The following PTPRN2 variants were observed in gnomAD, a reference collection of about 807,000 sequenced individuals.
The protein encoded by PTPRN2 is receptor-type tyrosine-protein phosphatase N2.
Under a neutral mutation model 118.8 loss-of-function variants are expected in PTPRN2, and 74 were observed. That is an observed-to-expected ratio of 0.62 (90% CI 0.52 to 0.76). The LOEUF is 0.76. Ranked by LOEUF, PTPRN2 falls within the 30% of genes least tolerant of loss-of-function variation. The pLI is 0.00. For synonymous variants in PTPRN2, 641 were observed against 608.0 expected (o/e 1.05, Z -0.80); for missense variants, 1,481 against 1,394.4 (o/e 1.06, Z -0.99).
chr7:158,140,940 A>G (rs1001738003), intron 6 of PTPRN2, among the ~76,000 whole-genome samples: 3 of 152,174 alleles, frequency 2.0e-5, no homozygotes, highest in Non-Finnish European at 4.4e-5. Flanking sequence ...TTTATGTAAA[A>G]TAGCTCATGG....
chr7:158,268,338 G>A (rs1252616667), intron 3 of PTPRN2, among the ~76,000 whole-genome samples: 3 of 149,898 alleles, frequency 2.0e-5, no homozygotes, highest in South Asian at 2.1e-4. Flanking sequence ...ACACAGGGCG[G>A]GTGTGAAATA....
intron 11 of PTPRN2, among the ~76,000 whole-genome samples, chr7:157,940,733 TGCCCCATGACACTGCAAATCTGACA>T (rs1800018151): frequency 2.0e-5 from 1 of 49,046 alleles, no homozygotes; most frequent in African/African-American, 1.6e-4. Context: ...TCTAACGCCC[TGCCCCATGACACTGCAAATCTGACA>T]CCCTCCCCAC....
rs373717179 is a variant in PTPRN2, at chr7:157,540,834, G to A, written c.2977-49C>T. On this transcript the variant is annotated intron_variant, in intron 22 of 22. Coordinates refer to ENST00000389418, the MANE Select transcript of PTPRN2 (RefSeq NM_002847.5). ...GTGCCAATGAGAGCGGCGTCCCCCC[G>A]ACTCCTGCCACAGCGTCGGCTCCCT... 135 of 1,450,326 alleles carry A rather than the reference G, an allele frequency of 9.3e-5. No homozygotes were observed. In the African/African-American group the frequency reaches 1.7e-3, roughly 18 times the overall value. 89.8% of individuals were successfully genotyped at this position (1,450,326 alleles called of 1,614,324 possible). A position where few individuals can be genotyped will look rare whatever the true frequency, so the allele number is the denominator to read the frequency against.
chr7:158,061,874 TG>T (rs1810376681), intron 11 of PTPRN2, among the ~76,000 whole-genome samples: 1 of 152,254 alleles, frequency 6.6e-6, no homozygotes, highest in Non-Finnish European at 1.5e-5. Flanking sequence ...GCCACTTTTT[TG>T]ATGAGCAAAA....
At chr7:158,122,520 C>T (rs1817258508) in intron 9 of PTPRN2, among the ~76,000 whole-genome samples, 1 of 152,072 alleles carries the variant, frequency 6.6e-6, no homozygotes, top group South Asian at 2.1e-4. Flanking sequence ...GGAGTGTCAC[C>T]CCTAAAAATC....
At chr7:158,341,546 C>G (rs1224565682) in intron 2 of PTPRN2, among the ~76,000 whole-genome samples, 6 of 110,284 alleles carry the variant, frequency 5.4e-5, no homozygotes, top group Non-Finnish European at 7.8e-5. Context: ...GAGGTGACAT[C>G]TGCAGACGTC....
chr7:158,482,597 G>T (rs2129444982), intron 2 of PTPRN2, among the ~76,000 whole-genome samples: 1 of 152,316 alleles, frequency 6.6e-6, no homozygotes, highest in East Asian at 1.9e-4. Context: ...ATAGACCACA[G>T]CCTAGTAAAA....
intron 22 of PTPRN2, among the ~76,000 whole-genome samples, chr7:157,545,891 C>T (rs796838123): frequency 6.6e-6 from 1 of 152,180 alleles, no homozygotes; most frequent in South Asian, 2.1e-4. Flanking sequence ...CTCTTGGCTT[C>T]GTAGAAGCAA....
intron 2 of PTPRN2, among the ~76,000 whole-genome samples, chr7:158,387,577 A>ACTCTCTGGGTCCTGGGGG (rs1586542379): frequency 4.1e-3 from 613 of 150,636 alleles, no homozygotes; most frequent in East Asian, 5.3e-3. Flanking sequence ...CTGTCAGCTC[A>ACTCTCTGGGTCCTGGGGG]GCTTGGCCCG....
At chr7:158,389,695 C>T (rs1326300644) in intron 2 of PTPRN2, among the ~76,000 whole-genome samples, 3 of 152,254 alleles carry the variant, frequency 2.0e-5, no homozygotes, top group East Asian at 3.8e-4. Flanking sequence ...CCAGGCCCTG[C>T]GAGAACACGG....
rs916438752 is a variant in PTPRN2 at position 157,813,642 on chromosome 7, G to A, written c.1788+85031C>T. Reference sequence around the variant, plus strand: ...GCCTCTGGGCGGGTCCGGGGGAGTCGCATTTCTTCCTCACTGCATCGCTGT... The same window carrying A: ...GCCTCTGGGCGGGTCCGGGGGAGTCACATTTCTTCCTCACTGCATCGCTGT... On this transcript the variant is annotated intron_variant, in intron 12 of 22. Coordinates refer to ENST00000389418, the MANE Select transcript of PTPRN2 (RefSeq NM_002847.5). This position sits in a 1 kb window ranked among gnomAD's most constrained non-coding sequence, Gnocchi z 4.7. Among the ~76,000 whole-genome samples, 2 of 152,216 alleles carry A rather than the reference G, an allele frequency of 1.3e-5. No individual in the cohort carries two copies. Among genetic ancestry groups the A allele is most frequent in the Non-Finnish European group, 2.9e-5 (2 of 68,044 alleles).
chr7:157,656,970 C>CCACA (rs1301367820), intron 13 of PTPRN2, among the ~76,000 whole-genome samples: 1 of 120,760 alleles, frequency 8.3e-6, no homozygotes, highest in Non-Finnish European at 1.7e-5. Flanking sequence ...CACACATACA[C>CCACA]CACACACACC....
intron 11 of PTPRN2, among the ~76,000 whole-genome samples, chr7:158,006,284 A>C (rs1324202019): frequency 6.6e-6 from 1 of 152,232 alleles, no homozygotes; most frequent in African/African-American, 2.4e-5. Context: ...ATGAATGGAA[A>C]TGCAAAGACT....
chr7:158,437,573 C>T (rs1816657908), intron 2 of PTPRN2, among the ~76,000 whole-genome samples: 1 of 152,124 alleles, frequency 6.6e-6, no homozygotes, highest in African/African-American at 2.4e-5. Flanking sequence ...AGGCCTGAGA[C>T]AAGAAGACAG....
rs140058872 is a variant in PTPRN2 at position 157,573,481 on chromosome 7, T to C, written c.2784-1988A>G. Among the ~76,000 whole-genome samples, 198 of 152,258 alleles carry C rather than the reference T, an allele frequency of 1.3e-3. 1 individual carries two copies. Among genetic ancestry groups the C allele is most frequent in the Middle Eastern group, 3.4e-3 (1 of 294 alleles). On this transcript the variant is annotated intron_variant, in intron 19 of 22. Coordinates refer to ENST00000389418, the MANE Select transcript of PTPRN2 (RefSeq NM_002847.5). Reference sequence around the variant, plus strand: ...CAGCTTCTGGGTCCACACCCACCAGTCACCAGGGGTTGCTCATTTTTTCCT... The same window carrying C: ...CAGCTTCTGGGTCCACACCCACCAGCCACCAGGGGTTGCTCATTTTTTCCT...
intron 2 of PTPRN2, among the ~76,000 whole-genome samples, chr7:158,393,213 C>T (rs536076774): frequency 2.0e-5 from 3 of 152,334 alleles, no homozygotes; most frequent in South Asian, 2.1e-4. Context: ...CACCCCACGG[C>T]GTCTTTAAAA....
At chr7:158,149,967 G>A (rs1279544446) in intron 6 of PTPRN2, among the ~76,000 whole-genome samples, 3 of 152,116 alleles carry the variant, frequency 2.0e-5, no homozygotes, top group Non-Finnish European at 4.4e-5. Flanking sequence ...TAGAAAGTAA[G>A]CAACACAATT....
chr7:158,474,206 C>T (rs1312272464), intron 2 of PTPRN2, among the ~76,000 whole-genome samples: 2 of 152,188 alleles, frequency 1.3e-5, no homozygotes, highest in African/African-American at 2.4e-5. Flanking sequence ...GCGAACTCTA[C>T]AGGACTCCAC....
intron 3 of PTPRN2, among the ~76,000 whole-genome samples, chr7:158,208,188 A>C (rs1827307829): frequency 6.6e-6 from 1 of 152,220 alleles, no homozygotes; most frequent in African/African-American, 2.4e-5. Context: ...AAGATTTATC[A>C]CCCTTAAAGA....
Sources: allele counts gnomAD v4.1 joint callset (sites outside exome capture counted in the v4.1 genomes callset), GRCh38; gene constraint gnomAD v4.1.1; non-coding constraint Gnocchi (gnomAD v3.1); transcripts MANE v1.5; gene names NCBI Gene and HGNC (gene_info 2026-07-23, HGNC 2026-07-21).